KIAA2012: variants seen among roughly 807,000 people sequenced by gnomAD.
KIAA2012 encodes the protein KIAA2012.
Under a neutral mutation model 150.6 loss-of-function variants are expected in KIAA2012, and 125 were observed. That is an observed-to-expected ratio of 0.83 (90% confidence interval 0.72 to 0.96). The LOEUF (loss-of-function observed/expected upper bound fraction) is 0.96, where lower values mean the gene tolerates loss of function less well. KIAA2012 is among the 40% of genes least tolerant of loss of function. The pLI is 0.00. For synonymous variants in KIAA2012, 462 were observed against 504.7 expected (o/e 0.92, Z 1.13); for missense variants, 1,219 against 1,354.9 (o/e 0.90, Z 1.57).
chr2:202,142,800 A>G (rs1373621247), intron 13 of KIAA2012, among the ~76,000 whole-genome samples: 1 of 152,038 alleles, frequency 6.6e-6, no homozygotes, highest in Non-Finnish European at 1.5e-5. Flanking sequence ...TTTCACCCTC[A>G]GTGAAGGGTT....
intron 7 of KIAA2012, among the ~76,000 whole-genome samples, chr2:202,102,326 A>G (rs931265437): frequency 6.6e-6 from 1 of 152,248 alleles, no homozygotes; most frequent in Non-Finnish European, 1.5e-5. Context: ...TAGTGGCTAG[A>G]TAAATGCTAA....
chr2:202,078,358 A>G (rs1459304783), intron 2 of KIAA2012, among the ~76,000 whole-genome samples: 1 of 152,212 alleles, frequency 6.6e-6, no homozygotes, highest in Non-Finnish European at 1.5e-5. Context: ...GCACCATCAC[A>G]GCACACTGCG....
chr2:202,106,010 A>G, intron 9 of KIAA2012, 100 bp downstream of exon 9: 1 of 1,546,112 alleles, frequency 6.5e-7, no homozygotes, highest in South Asian at 1.2e-5. Flanking sequence ...GGAGTCTGGA[A>G]GGGAGGTTAG....
At position 202,184,798 on chromosome 2, in the gene KIAA2012, G is replaced by A. The variant is rs79071684; in HGVS notation, c.2165G>A (p.Arg722Gln). Residue 722 changes from arginine to glutamine, a missense_variant, in exon 16 of 24, where the codon CGG becomes CAG. By Grantham distance (43) the Arg-to-Gln change is conservative. Transcript: ENST00000498697. Reference sequence around the variant, plus strand: ...ACCCTTGACTCTCCCAGGGCTTCCCGGACTGAGCACATCCAGACCCCAGAA... The same window carrying A: ...ACCCTTGACTCTCCCAGGGCTTCCCAGACTGAGCACATCCAGACCCCAGAA... ...SMTLDSPRAS[R>Q]TEHIQTPEAD... The A allele has an allele frequency of 2.8e-5, 43 of 1,549,278 alleles. No homozygotes were observed. The East Asian group carries it at 6.6e-4, about 24-fold the overall frequency.
Position 202,194,524 on chromosome 2 carries a change from G to A in KIAA2012, c.3187+162G>A, listed in dbSNP as rs544026126. Among the ~76,000 whole-genome samples the A allele has an allele frequency of 5.1e-3, 283 of 55,186 alleles. 2 individuals carry two copies. The highest frequency in any genetic ancestry group is 0.018 in the African/African-American group (257 of 14,016). 36.2% of individuals were successfully genotyped at this position (55,186 alleles called of 152,430 possible). ...AAGTGATTATGTATGACTATAATTT[G>A]TTAATATAGATTTAAATAAGAAAGT... is the stretch of plus-strand genomic sequence containing the variant. On this transcript the variant is annotated intron_variant, in intron 21 of 23. Transcript: ENST00000498697.
At chr2:202,195,707 A>G (rs1692402306) in intron 21 of KIAA2012, among the ~76,000 whole-genome samples, 1 of 152,084 alleles carries the variant, frequency 6.6e-6, no homozygotes, top group South Asian at 2.1e-4. Context: ...CCCTGCCTCT[A>G]GTAACCACTA....
rs935935300 is a variant in KIAA2012 at position 202,144,359 on chromosome 2, T to C, written c.1908+5851T>C. 1.6e-4 allele frequency among the ~76,000 whole-genome samples: 24 copies of C among 152,192 alleles called. 1 individual carries two copies. Among genetic ancestry groups the C allele is most frequent in the Admixed American group, 7.2e-4 (11 of 15,278 alleles). ...TTTAATCTTATGTATCCTAAGTGTA[T>C]CTCTTTTGGATTTCAAAGAGTAGCC... On this transcript the variant is annotated intron_variant, in intron 13 of 23. Coordinates refer to ENST00000498697, the MANE Select transcript of KIAA2012 (RefSeq NM_001277372.4).
chr2:202,092,969 C>T, intron 3 of KIAA2012, 61 bp from the exon 4 acceptor site: 1 of 1,441,946 alleles, frequency 6.9e-7, no homozygotes, highest in Non-Finnish European at 9.4e-7. Flanking sequence ...TTGTAGTTAC[C>T]ACCAAGAACT....
intron 12 of KIAA2012, chr2:202,135,984 A>G: frequency 3.3e-6 from 1 of 302,382 alleles, no homozygotes; most frequent in Non-Finnish European, 6.8e-6. Flanking sequence ...CCCCAAGCTG[A>G]TTCAAATTTA....
At chr2:202,082,521 G>A (rs935569627) in intron 2 of KIAA2012, among the ~76,000 whole-genome samples, 15 of 152,102 alleles carry the variant, frequency 9.9e-5, no homozygotes, top group East Asian at 7.7e-4. Flanking sequence ...GCTTGAACCC[G>A]GGAGGCAGAG....
intron 15 of KIAA2012, among the ~76,000 whole-genome samples, chr2:202,177,647 A>G (rs1692024675): frequency 6.6e-6 from 1 of 152,172 alleles, no homozygotes. Flanking sequence ...CAGTGTCCCG[A>G]GTAGCTGAGA....
At chr2:202,113,161 C>A (rs1180565074) in intron 10 of KIAA2012, among the ~76,000 whole-genome samples, 175 bp from the exon 11 acceptor site, 1 of 152,172 alleles carries the variant, frequency 6.6e-6, no homozygotes, top group African/African-American at 2.4e-5. Flanking sequence ...TGAACAATAG[C>A]CCTGCTCTGC....
At chr2:202,192,191 A>T (rs1343616065) in intron 19 of KIAA2012, among the ~76,000 whole-genome samples, 2 of 152,144 alleles carry the variant, frequency 1.3e-5, no homozygotes, top group Admixed American at 6.5e-5. Flanking sequence ...TTGTCAATCC[A>T]TAATACTATG....
intron 12 of KIAA2012, chr2:202,135,921 C>T: frequency 4.9e-6 from 1 of 203,406 alleles, no homozygotes; most frequent in Non-Finnish European, 1.1e-5. Flanking sequence ...TGTGTTATTT[C>T]AAGGTGTGCC....
At chr2:202,150,196 A>G (rs1167987765) in intron 13 of KIAA2012, among the ~76,000 whole-genome samples, 1 of 152,238 alleles carries the variant, frequency 6.6e-6, no homozygotes, top group Non-Finnish European at 1.5e-5. Flanking sequence ...TTAAATGCCA[A>G]GTATTTACGC....
chr2:202,148,888 C>T (rs2105949483), intron 13 of KIAA2012, among the ~76,000 whole-genome samples: 1 of 152,276 alleles, frequency 6.6e-6, no homozygotes, highest in Non-Finnish European at 1.5e-5. Flanking sequence ...CCATTCGGAT[C>T]CCCTTCCTAG....
chr2:202,152,699 A>G (rs1691452573), intron 13 of KIAA2012, among the ~76,000 whole-genome samples: 1 of 152,218 alleles, frequency 6.6e-6, no homozygotes, highest in Non-Finnish European at 1.5e-5. Flanking sequence ...TGTGGCTGAG[A>G]TGATAAAAAA....
intron 22 of KIAA2012, among the ~76,000 whole-genome samples, chr2:202,199,008 C>T (rs1432576823): frequency 6.6e-6 from 1 of 152,156 alleles, no homozygotes; most frequent in Non-Finnish European, 1.5e-5. Flanking sequence ...GCAGAATTAG[C>T]TTCCTAAATA....
At chr2:202,152,523 C>T (rs1245329881) in intron 13 of KIAA2012, among the ~76,000 whole-genome samples, 1 of 152,166 alleles carries the variant, frequency 6.6e-6, no homozygotes, top group Non-Finnish European at 1.5e-5. Flanking sequence ...AGAAATTTCC[C>T]TCAAATCATT....
Sources: allele counts gnomAD v4.1 joint callset (sites outside exome capture counted in the v4.1 genomes callset), GRCh38; gene constraint gnomAD v4.1.1; transcripts MANE v1.5; gene names NCBI Gene and HGNC (gene_info 2026-07-23, HGNC 2026-07-21).